Variants in PCDHA1 observed in about 807,000 individuals in gnomAD.
PCDHA1 encodes the protein protocadherin alpha-1.
Under a neutral mutation model 61.3 loss-of-function variants are expected in PCDHA1, and 42 were observed. The observed-to-expected ratio is 0.69, with a 90% CI of 0.54 to 0.89. The LOEUF is 0.89. Ranked by LOEUF, PCDHA1 falls within the 40% of genes least tolerant of loss-of-function variation. The pLI, the probability that PCDHA1 is intolerant of heterozygous loss-of-function variation, is 0.00. For missense variants in PCDHA1, 1,256 were observed against 1,235.3 expected (o/e 1.02, Z -0.25); for synonymous variants, 610 against 553.8 (o/e 1.10, Z -1.43).
intron 1 of PCDHA1, chr5:140,836,715 C>G: frequency 6.2e-7 from 1 of 1,612,974 alleles, no homozygotes; most frequent in Non-Finnish European, 8.5e-7. Flanking sequence ...CAGCCTTCCT[C>G]AGGGTCCATC....
At chr5:140,922,888 C>A (rs1584282377) in intron 1 of PCDHA1, among the ~76,000 whole-genome samples, 1 of 152,236 alleles carries the variant, frequency 6.6e-6, no homozygotes, top group South Asian at 2.1e-4. Flanking sequence ...AGACATCATT[C>A]AAGAAAAAAT....
intron 1 of PCDHA1, among the ~76,000 whole-genome samples, chr5:140,904,764 A>G (rs1354356510): frequency 2.0e-5 from 3 of 152,240 alleles, no homozygotes; most frequent in African/African-American, 4.8e-5. Context: ...CAAGAATAAG[A>G]TGGTATCACA....
rs2150469634 is a variant in PCDHA1, at chr5:140,850,145, G to A, written c.2394+61461G>A. 7 of 1,595,444 alleles carry A rather than the reference G, an allele frequency of 4.4e-6. No individual in the cohort carries two copies. The African/African-American group carries it at 5.4e-5, about 12-fold the overall frequency. ...TGCCGCCTCTGGGCAGCAACGTGACGCTGCAGGTGTTCGTGCTGGACGAGA... is the reference window on the plus strand; with the variant it reads ...TGCCGCCTCTGGGCAGCAACGTGACACTGCAGGTGTTCGTGCTGGACGAGA... On this transcript the variant is annotated intron_variant, in intron 1 of 3. Coordinates refer to ENST00000504120, the MANE Select transcript of PCDHA1 (RefSeq NM_018900.4).
chr5:140,796,217 T>C, intron 1 of PCDHA1: 1 of 1,614,206 alleles, frequency 6.2e-7, no homozygotes, highest in Non-Finnish European at 8.5e-7. Context: ...CGCGAGAGCG[T>C]GTCAGCCTAT....
intron 1 of PCDHA1, among the ~76,000 whole-genome samples, chr5:140,960,351 T>C (rs1268803425): frequency 3.3e-5 from 5 of 152,192 alleles, no homozygotes; most frequent in African/African-American, 7.2e-5. Flanking sequence ...AGATATGTAC[T>C]GAAATAATAT....
In PCDHA1 at chr5:140,893,987, T is replaced by C. The variant is rs112405686; in HGVS notation, c.2395-84962T>C. Among the ~76,000 whole-genome samples, 507 of 152,320 alleles carry C rather than the reference T, an allele frequency of 3.3e-3. 2 individuals carry two copies. The highest frequency in any genetic ancestry group is 0.012 in the African/African-American group (487 of 41,562). ...TAGATACTTTTATAATTTTAAAATA[T>C]CTCCAATTGTATGGTTGGTTCAAAT... is the stretch of plus-strand genomic sequence containing the variant. On this transcript the variant is annotated intron_variant, in intron 1 of 3. Transcript: ENST00000504120.
At chr5:140,850,202 G>A in intron 1 of PCDHA1, 3 of 1,593,648 alleles carry the variant, frequency 1.9e-6, no homozygotes, top group Non-Finnish European at 2.6e-6. Flanking sequence ...TGACACCTCG[G>A]ATGAGGGGCA....
chr5:140,990,754 G>A (rs3822343), intron 3 of PCDHA1, among the ~76,000 whole-genome samples: 7,419 of 152,246 alleles, frequency 0.049, 237 homozygotes, highest in South Asian at 0.11. Flanking sequence ...GGATACCTTT[G>A]AGCCTGTAAA....
At chr5:140,834,300 C>T (rs111598234) in intron 1 of PCDHA1, 1 of 1,283,798 alleles carries the variant, frequency 7.8e-7, no homozygotes, top group Non-Finnish European at 1.1e-6. Context: ...GGCCACACAT[C>T]GAGATTGAAA....
At chr5:140,874,633 C>T (rs1399730965) in intron 1 of PCDHA1, among the ~76,000 whole-genome samples, 3 of 152,208 alleles carry the variant, frequency 2.0e-5, no homozygotes, top group African/African-American at 7.2e-5. Flanking sequence ...CATTAAAGTG[C>T]TTTACTTTTG....
intron 1 of PCDHA1, chr5:140,969,244 G>C: frequency 6.2e-7 from 1 of 1,614,206 alleles, no homozygotes; most frequent in Non-Finnish European, 8.5e-7. Flanking sequence ...AAGCAGCAGT[G>C]ACTGACAGCA....
At chr5:140,914,997 G>A (rs548148626) in intron 1 of PCDHA1, among the ~76,000 whole-genome samples, 43 of 148,264 alleles carry the variant, frequency 2.9e-4, no homozygotes, top group African/African-American at 1.0e-3. Flanking sequence ...CCAGGCTGGA[G>A]TGCAGTGGCC....
chr5:140,969,403 G>C, intron 1 of PCDHA1: 1 of 1,579,282 alleles, frequency 6.3e-7, no homozygotes, highest in Non-Finnish European at 8.6e-7. Context: ...CCTGTGATTT[G>C]GCTTTATTGA....
chr5:140,828,874 TATC>T, intron 1 of PCDHA1: 2 of 1,614,208 alleles, frequency 1.2e-6, no homozygotes, highest in Non-Finnish European at 1.7e-6. Context: ...GAACAACAGT[TATC>T]AGACTGAATG....
chr5:140,824,247 C>A (rs1379279128), intron 1 of PCDHA1: 2 of 1,431,764 alleles, frequency 1.4e-6, no homozygotes, highest in South Asian at 1.2e-5. Flanking sequence ...TTGTGGTACA[C>A]AATTATTGCA....
chr5:140,867,187 G>C (rs1219646479), intron 1 of PCDHA1: 1 of 152,072 alleles, frequency 6.6e-6, no homozygotes, highest in Non-Finnish European at 1.5e-5. Context: ...TACCTCGCAA[G>C]ACTCCACATT....
rs868991744 is a variant in PCDHA1, at chr5:140,897,794, G to C, written c.2395-81155G>C. ...CTTCCACAATGGTTGAACTAGTTTA[G>C]AGTCCCACCAACAGTGTAAAAGTGT... On this transcript the variant is annotated intron_variant, in intron 1 of 3. Coordinates refer to ENST00000504120, the MANE Select transcript of PCDHA1 (RefSeq NM_018900.4). 7.2e-4 allele frequency among the ~76,000 whole-genome samples: 109 copies of C among 152,066 alleles called. No homozygotes were observed. The South Asian group carries it at 0.011, about 15-fold the overall frequency.
intron 1 of PCDHA1, among the ~76,000 whole-genome samples, chr5:140,942,058 C>T (rs2093224752): frequency 6.6e-6 from 1 of 152,040 alleles, no homozygotes; most frequent in Non-Finnish European, 1.5e-5. Flanking sequence ...GAAATGTTTG[C>T]TAATTGAGCC....
chr5:140,882,814 A>AGT, intron 1 of PCDHA1: 3 of 1,614,248 alleles, frequency 1.9e-6, no homozygotes, highest in Non-Finnish European at 2.5e-6. Context: ...CTTTGGACGC[A>AGT]CAAAACAGTC....
Sources: allele counts gnomAD v4.1 joint callset (sites outside exome capture counted in the v4.1 genomes callset), GRCh38; gene constraint gnomAD v4.1.1; transcripts MANE v1.5; gene names NCBI Gene and HGNC (gene_info 2026-07-23, HGNC 2026-07-21).